TRMT11: variants seen among roughly 807,000 people sequenced by gnomAD.
The protein encoded by TRMT11 is tRNA (guanine(10)-N(2))-methyltransferase TRMT11.
Under a neutral mutation model 62.8 loss-of-function variants are expected in TRMT11, and 53 were observed. The observed-to-expected ratio is 0.84, with a 90% confidence interval of 0.68 to 1.06. The LOEUF is 1.06. Ranked by LOEUF, TRMT11 falls within the 50% of genes least tolerant of loss-of-function variation. The pLI, the probability that TRMT11 is intolerant of heterozygous loss-of-function variation, is 0.00. For missense variants in TRMT11, 556 were observed against 553.4 expected (o/e 1.00, Z -0.05); for synonymous variants, 188 against 190.3 (o/e 0.99, Z 0.10).
chr6:126,108,694 CAA>C (rs574801656), intron 17 of TRMT11, among the ~76,000 whole-genome samples: 168 of 152,182 alleles, frequency 1.1e-3, no homozygotes, highest in African/African-American at 3.8e-3. Flanking sequence ...ATGAGCATAA[CAA>C]AGAGAGAAGA....
At chr6:126,193,583 C>T (rs565164524) in intron 1 of TRMT11, among the ~76,000 whole-genome samples, 1 of 149,238 alleles carries the variant, frequency 6.7e-6, no homozygotes, top group Non-Finnish European at 1.5e-5. Flanking sequence ...AGCTTCGCCT[C>T]CCAGGTTCAC....
the TRMT11 span, among the ~76,000 whole-genome samples, chr6:126,238,918 G>C: frequency 6.6e-6 from 1 of 152,106 alleles, no homozygotes; most frequent in Non-Finnish European, 1.5e-5. Flanking sequence ...TATATATTTA[G>C]GATAGTTAGT....
chr6:126,074,437 T>A (rs1349261078), intron 17 of TRMT11, among the ~76,000 whole-genome samples: 2 of 152,186 alleles, frequency 1.3e-5, no homozygotes, highest in African/African-American at 4.8e-5. Context: ...CAAGGTAGAC[T>A]TCTTGGGGTA....
chr6:126,040,129 A>C (rs1162407957), downstream of TRMT11, among the ~76,000 whole-genome samples: 1 of 152,068 alleles, frequency 6.6e-6, no homozygotes, highest in African/African-American at 2.4e-5. Context: ...GGTGAGTTTG[A>C]AACTTTGTCA....
intron 1 of TRMT11, among the ~76,000 whole-genome samples, chr6:126,195,663 T>C (rs1490456894): frequency 6.6e-6 from 1 of 152,144 alleles, no homozygotes; most frequent in African/African-American, 2.4e-5. Flanking sequence ...CCCATAGTCA[T>C]GTACTTTGGA....
intron 17 of TRMT11, among the ~76,000 whole-genome samples, chr6:126,097,293 G>A (rs1777351624): frequency 6.6e-6 from 1 of 152,084 alleles, no homozygotes. Flanking sequence ...CATTGTTGGA[G>A]ACCTACTAAC....
chr6:126,020,048 T>C (rs776997073), intron 11 of TRMT11, among the ~76,000 whole-genome samples: 2 of 152,176 alleles, frequency 1.3e-5, no homozygotes, highest in Non-Finnish European at 2.9e-5. Context: ...TTTGAGCATA[T>C]GGTTGAGGTA....
intron 21 of TRMT11, among the ~76,000 whole-genome samples, chr6:126,137,161 T>G (rs1230500453): frequency 6.6e-6 from 1 of 151,816 alleles, no homozygotes; most frequent in East Asian, 1.9e-4. Flanking sequence ...AAAAAGCTTC[T>G]GAACAGCAAA....
chr6:126,137,542 AT>A (rs1431735839), intron 21 of TRMT11, among the ~76,000 whole-genome samples: 8 of 151,820 alleles, frequency 5.3e-5, no homozygotes, highest in Admixed American at 1.3e-4. Flanking sequence ...ATGTCAAATC[AT>A]TATGGAAAAC....
intron 11 of TRMT11, among the ~76,000 whole-genome samples, chr6:126,013,848 G>A (rs557143654): frequency 6.6e-5 from 10 of 152,268 alleles, no homozygotes; most frequent in Admixed American, 2.0e-4. Flanking sequence ...TAGTACCTAT[G>A]GATCACAGCT....
chr6:126,053,201 A>T (rs1251276873), intron 17 of TRMT11, among the ~76,000 whole-genome samples: 1 of 152,134 alleles, frequency 6.6e-6, no homozygotes, highest in Non-Finnish European at 1.5e-5. Context: ...GTAAGTAGTC[A>T]GTTAAAATAG....
intron 17 of TRMT11, among the ~76,000 whole-genome samples, chr6:126,104,262 A>T (rs1179619895): frequency 6.6e-6 from 1 of 152,160 alleles, no homozygotes; most frequent in African/African-American, 2.4e-5. Context: ...CTCAAGCTTT[A>T]CTCTTGCCGG....
chr6:126,104,701 A>C (rs999293646), intron 17 of TRMT11, among the ~76,000 whole-genome samples: 2 of 152,154 alleles, frequency 1.3e-5, no homozygotes, highest in Non-Finnish European at 2.9e-5. Flanking sequence ...ACATATTTAC[A>C]TTTTGTTTTT....
At chr6:126,122,037 C>T (rs916102667) in intron 21 of TRMT11, among the ~76,000 whole-genome samples, 8 of 152,006 alleles carry the variant, frequency 5.3e-5, no homozygotes, top group Admixed American at 3.9e-4. Flanking sequence ...GGAGGTTTTC[C>T]CATGCTGTTC....
chr6:126,162,503 C>T (rs1022879624), intron 21 of TRMT11, among the ~76,000 whole-genome samples: 1 of 152,212 alleles, frequency 6.6e-6, no homozygotes, highest in Non-Finnish European at 1.5e-5. Flanking sequence ...TGTGATGCCT[C>T]AAGCTTTGTT....
intron 21 of TRMT11, among the ~76,000 whole-genome samples, chr6:126,143,873 G>A (rs1777945934): frequency 6.6e-6 from 1 of 152,168 alleles, no homozygotes; most frequent in African/African-American, 2.4e-5. Context: ...GCTCTAGGAT[G>A]GGGCCGCTTG....
the TRMT11 span, among the ~76,000 whole-genome samples, chr6:126,268,411 C>T: frequency 6.6e-6 from 1 of 152,078 alleles, no homozygotes; most frequent in South Asian, 2.1e-4. Context: ...TTAGCTGTAT[C>T]AAAATAACAA....
intron 17 of TRMT11, among the ~76,000 whole-genome samples, chr6:126,056,110 C>G (rs1485992168): frequency 6.6e-6 from 1 of 152,218 alleles, no homozygotes; most frequent in Non-Finnish European, 1.5e-5. Flanking sequence ...CCCAGGACAG[C>G]TCTGAATTCA....
chr6:126,087,673 T>G (rs1488787701), intron 17 of TRMT11, among the ~76,000 whole-genome samples: 1 of 152,202 alleles, frequency 6.6e-6, no homozygotes, highest in Non-Finnish European at 1.5e-5. Flanking sequence ...AGGAGAGCCT[T>G]GTAGGAGGCA....
Sources: gnomAD v4.1 joint callset for allele counts (sites outside exome capture counted in the v4.1 genomes callset) on GRCh38, gnomAD v4.1.1 for gene constraint, MANE v1.5 for transcripts, NCBI Gene and HGNC (gene_info 2026-07-23, HGNC 2026-07-21) for gene names.